The following L3MBTL4 variants were observed in gnomAD, a reference collection of about 807,000 sequenced individuals.
The protein encoded by L3MBTL4 is lethal(3)malignant brain tumor-like protein 4.
A neutral mutation model predicts 84.5 loss-of-function variants in L3MBTL4; 70 were observed. The observed-to-expected ratio is 0.83, with a 90% CI of 0.68 to 1.01. The LOEUF (loss-of-function observed/expected upper bound fraction) is 1.01. Ranked by LOEUF, L3MBTL4 falls within the 50% of genes least tolerant of loss-of-function variation. The pLI is 0.00. For missense variants in L3MBTL4, 715 were observed against 754.8 expected, an observed-to-expected ratio of 0.95 and a Z score of 0.62; for synonymous variants, 274 against 259.8, an observed-to-expected ratio of 1.05 and a Z score of -0.52.
chr18:6,004,720 T>C (rs1296536577), intron 16 of L3MBTL4, among the ~76,000 whole-genome samples: 3 of 152,212 alleles, frequency 2.0e-5, no homozygotes, highest in Non-Finnish European at 4.4e-5. Context: ...TGGGTGAACC[T>C]TGAAGACATG....
At chr18:6,254,536 T>C (rs893087587) in intron 5 of L3MBTL4, among the ~76,000 whole-genome samples, 1 of 151,970 alleles carries the variant, frequency 6.6e-6, no homozygotes, top group African/African-American at 2.4e-5. Flanking sequence ...GATGGCTGAT[T>C]GTGTATTTTT....
intron 16 of L3MBTL4, among the ~76,000 whole-genome samples, chr18:6,038,271 T>TTTTTTTTA (rs1491440656): frequency 1.5e-4 from 17 of 111,490 alleles, no homozygotes; most frequent in Non-Finnish European, 2.4e-4. Flanking sequence ...TTTTTTTTTT[T>TTTTTTTTA]GAGACAGAGT....
chr18:6,388,497 C>T (rs2054915118), intron 1 of L3MBTL4, among the ~76,000 whole-genome samples: 1 of 152,128 alleles, frequency 6.6e-6, no homozygotes, highest in African/African-American at 2.4e-5. Flanking sequence ...TTTGTCCCAG[C>T]TGAGTTCAGA....
chr18:6,096,312 C>A (rs1028539399), intron 14 of L3MBTL4, among the ~76,000 whole-genome samples: 5 of 152,172 alleles, frequency 3.3e-5, no homozygotes, highest in Non-Finnish European at 7.3e-5. Flanking sequence ...TTTCTAATTT[C>A]CTCCTAGTTC....
intron 17 of L3MBTL4, among the ~76,000 whole-genome samples, chr18:5,962,133 G>A (rs577305545): frequency 6.6e-6 from 1 of 152,270 alleles, no homozygotes; most frequent in South Asian, 2.1e-4. Context: ...GGACAGGAAA[G>A]CTTATCACTG....
chr18:6,386,509 G>A (rs1599866267), intron 1 of L3MBTL4, among the ~76,000 whole-genome samples: 1 of 152,338 alleles, frequency 6.6e-6, no homozygotes, highest in East Asian at 1.9e-4. Context: ...AGTCTTCACA[G>A]AGCTCACATT....
chr18:6,217,073 T>C (rs1377777294), intron 10 of L3MBTL4, among the ~76,000 whole-genome samples: 1 of 152,208 alleles, frequency 6.6e-6, no homozygotes, highest in East Asian at 1.9e-4. Flanking sequence ...CTAAAATAAG[T>C]ATTTTTTTAC....
At chr18:6,234,070 GA>G (rs1449679727) in intron 10 of L3MBTL4, among the ~76,000 whole-genome samples, 1 of 152,130 alleles carries the variant, frequency 6.6e-6, no homozygotes, top group East Asian at 1.9e-4. Context: ...ATGGGGAAAG[GA>G]TTCCCATTTA....
rs58646046 is a variant in L3MBTL4, at chr18:6,247,645, A to ATT, written c.220-3059_220-3058dup. On this transcript the variant is annotated intron_variant, in intron 5 of 18. Coordinates refer to ENST00000317931, the MANE Select transcript of L3MBTL4 (RefSeq NM_001330559.2). ...AGGTGTAAGCCACCATGCCCGGCTA[A>ATT]TTTTTTTTTTTTTTTTTTTGTATTT... is the stretch of plus-strand genomic sequence containing the variant. 7.5e-3 allele frequency among the ~76,000 whole-genome samples: 956 copies of ATT among 127,764 alleles called. 16 individuals are homozygous for ATT. Among genetic ancestry groups the ATT allele is most frequent in the African/African-American group, 0.027 (903 of 33,742 alleles). The allele number at this position is 127,764 out of a possible 152,430, so 83.8% of individuals were successfully genotyped here.
chr18:6,407,017 A>T (rs1198548880), intron 1 of L3MBTL4, among the ~76,000 whole-genome samples: 2 of 152,212 alleles, frequency 1.3e-5, no homozygotes, highest in African/African-American at 4.8e-5. Flanking sequence ...TTAATGTGTA[A>T]CTGTACCCTT....
intron 14 of L3MBTL4, among the ~76,000 whole-genome samples, chr18:6,124,428 ATAT>A (rs1222424072): frequency 6.7e-6 from 1 of 148,318 alleles, no homozygotes; most frequent in Non-Finnish European, 1.5e-5. Context: ...ATATACAGTT[ATAT>A]TATTATATAT....
chr18:6,108,902 A>G (rs1303670839), intron 14 of L3MBTL4, among the ~76,000 whole-genome samples: 4 of 152,234 alleles, frequency 2.6e-5, no homozygotes, highest in Non-Finnish European at 5.9e-5. Flanking sequence ...TTTAAAGTGT[A>G]CAGAAGAATA....
chr18:6,189,933 GAGGAGA>G (rs2044988498), intron 12 of L3MBTL4, among the ~76,000 whole-genome samples: 1 of 152,170 alleles, frequency 6.6e-6, no homozygotes, highest in Non-Finnish European at 1.5e-5. Flanking sequence ...CCCATAAGGA[GAGGAGA>G]TAGAAAATGG....
At chr18:6,060,017 G>A (rs1181947857) in intron 16 of L3MBTL4, among the ~76,000 whole-genome samples, 1 of 152,184 alleles carries the variant, frequency 6.6e-6, no homozygotes, top group African/African-American at 2.4e-5. Context: ...GTAGAGTGCT[G>A]CAGGAGAGTA....
intron 16 of L3MBTL4, among the ~76,000 whole-genome samples, chr18:5,995,386 T>TC (rs1346941299): frequency 1.3e-5 from 2 of 152,224 alleles, no homozygotes; most frequent in Non-Finnish European, 2.9e-5. Flanking sequence ...CATTTTTTTT[T>TC]CTTATTCAAC....
At chr18:5,997,975 A>AT (rs1442802128) in intron 16 of L3MBTL4, among the ~76,000 whole-genome samples, 1 of 152,098 alleles carries the variant, frequency 6.6e-6, no homozygotes, top group Non-Finnish European at 1.5e-5. Context: ...AGCCACAGAG[A>AT]TTTTTCCTTA....
intron 1 of L3MBTL4, among the ~76,000 whole-genome samples, chr18:6,353,645 A>G (rs1599750141): frequency 6.6e-6 from 1 of 152,312 alleles, no homozygotes; most frequent in Non-Finnish European, 1.5e-5. Context: ...ATATGCCAAC[A>G]GTGAACAATC....
chr18:6,050,700 T>A (rs984765061), intron 16 of L3MBTL4, among the ~76,000 whole-genome samples: 2 of 152,182 alleles, frequency 1.3e-5, no homozygotes, highest in African/African-American at 4.8e-5. Flanking sequence ...TTCCGTTTTT[T>A]AATGAAATTT....
intron 1 of L3MBTL4, among the ~76,000 whole-genome samples, chr18:6,403,646 T>C (rs1476973300): frequency 1.3e-5 from 2 of 152,242 alleles, no homozygotes; most frequent in Non-Finnish European, 2.9e-5. Flanking sequence ...AAGTAAGTTA[T>C]TTACCTGTCA....
Sources: allele counts gnomAD v4.1 joint callset (sites outside exome capture counted in the v4.1 genomes callset), GRCh38; gene constraint gnomAD v4.1.1; transcripts MANE v1.5; gene names NCBI Gene and HGNC (gene_info 2026-07-23, HGNC 2026-07-21).